The following IL1RAPL1 variants were observed in gnomAD, a reference collection of about 807,000 sequenced individuals.
IL1RAPL1 encodes the protein interleukin-1 receptor accessory protein-like 1.
A neutral mutation model predicts 48.4 loss-of-function variants in IL1RAPL1; 3 were observed. The observed-to-expected ratio is 0.06, with a 90% CI of 0.03 to 0.16. The LOEUF (loss-of-function observed/expected upper bound fraction) is 0.16. IL1RAPL1 is among the 10% of genes least tolerant of loss of function. The pLI is 1.00. For synonymous variants in IL1RAPL1, 185 were observed against 187.7 expected, an observed-to-expected ratio of 0.99 and a Z score of 0.12; for missense variants, 349 against 530.6, an observed-to-expected ratio of 0.66 and a Z score of 3.36.
At chrX:29,176,407 T>G (rs1199931764) in intron 2 of IL1RAPL1, among the ~76,000 whole-genome samples, 1 of 109,658 alleles carries the variant, frequency 9.1e-6, no homozygotes, top group Non-Finnish European at 1.9e-5. Context: ...TTCTAGGTGA[T>G]GTTGATGCTG....
chrX:29,302,505 GA>G (rs1400619749), intron 3 of IL1RAPL1, among the ~76,000 whole-genome samples: 1 of 111,893 alleles, frequency 8.9e-6, no homozygotes, highest in Admixed American at 9.5e-5. Context: ...TAGGTGGTAA[GA>G]TAGTATATGG....
chrX:29,170,981 C>A (rs377368513), intron 2 of IL1RAPL1, among the ~76,000 whole-genome samples: 6 of 110,347 alleles, frequency 5.4e-5, no homozygotes, highest in African/African-American at 2.0e-4. Context: ...AATGTTGCAC[C>A]CAGTGTTGTG....
At chrX:29,334,203 C>T (rs1256284815) in intron 3 of IL1RAPL1, among the ~76,000 whole-genome samples, 4 of 67,936 alleles carry the variant, frequency 5.9e-5, no homozygotes, top group African/African-American at 1.3e-4. Context: ...GGGGGGCTGA[C>T]CCCCCCACCT....
At chrX:29,011,090 A>G (rs776203827) in intron 2 of IL1RAPL1, among the ~76,000 whole-genome samples, 9 of 112,014 alleles carry the variant, frequency 8.0e-5, no homozygotes, top group South Asian at 3.7e-4. Context: ...TGACCTCACC[A>G]TATATCGTAT....
At chrX:29,705,900 T>C (rs1474122664) in intron 6 of IL1RAPL1, among the ~76,000 whole-genome samples, 2 of 112,481 alleles carry the variant, frequency 1.8e-5, no homozygotes, top group African/African-American at 6.5e-5. Context: ...CACTTTGTAT[T>C]AGTCCATTTT....
chrX:28,629,333 A>ATT (rs1280216647), intron 1 of IL1RAPL1, among the ~76,000 whole-genome samples: 1 of 111,798 alleles, frequency 8.9e-6, no homozygotes, highest in Non-Finnish European at 1.9e-5. Flanking sequence ...TATTCCTGCT[A>ATT]AAACTTCTAA....
intron 2 of IL1RAPL1, among the ~76,000 whole-genome samples, chrX:29,149,627 G>A (rs964333048): frequency 3.6e-5 from 4 of 111,551 alleles, no homozygotes; most frequent in African/African-American, 1.3e-4. Flanking sequence ...AATCCAAAGA[G>A]GTCAAGTAGC....
chrX:29,056,016 G>A (rs1927206383), intron 2 of IL1RAPL1, among the ~76,000 whole-genome samples: 1 of 111,794 alleles, frequency 8.9e-6, no homozygotes, highest in South Asian at 3.7e-4. Context: ...TTGTTTCAAG[G>A]AATCATTTAC....
At chrX:28,778,340 T>A (rs1266510576) in intron 1 of IL1RAPL1, among the ~76,000 whole-genome samples, 3 of 111,597 alleles carry the variant, frequency 2.7e-5, no homozygotes, top group Non-Finnish European at 3.8e-5. Flanking sequence ...CAACTATTCG[T>A]TAAATATATT....
intron 5 of IL1RAPL1, among the ~76,000 whole-genome samples, chrX:29,603,977 A>G (rs184788558): frequency 8.1e-5 from 9 of 111,716 alleles, no homozygotes; most frequent in Admixed American, 3.8e-4. Flanking sequence ...AAATTTGACA[A>G]CTCTTTGAAG....
intron 2 of IL1RAPL1, among the ~76,000 whole-genome samples, chrX:28,838,847 G>C (rs745773960): frequency 6.3e-5 from 7 of 110,959 alleles, no homozygotes; most frequent in Non-Finnish European, 1.1e-4. Flanking sequence ...CTACTTGGAA[G>C]TTTACTAGGG....
intron 6 of IL1RAPL1, among the ~76,000 whole-genome samples, chrX:29,881,566 G>T (rs938116112): frequency 9.1e-6 from 1 of 110,109 alleles, no homozygotes; most frequent in South Asian, 3.9e-4. Context: ...TTTTTGTGGT[G>T]ACATAGTAGG....
At chrX:28,898,032 A>G (rs1426238396) in intron 2 of IL1RAPL1, among the ~76,000 whole-genome samples, 1 of 111,230 alleles carries the variant, frequency 9.0e-6, no homozygotes, top group Non-Finnish European at 1.9e-5. Context: ...TTGTGGTGGA[A>G]TGTCATTAGT....
At chrX:29,005,619 G>A (rs1380464116) in intron 2 of IL1RAPL1, among the ~76,000 whole-genome samples, 2 of 111,410 alleles carry the variant, frequency 1.8e-5, no homozygotes, top group Non-Finnish European at 3.8e-5. Context: ...ATTGACTAGG[G>A]AAAAATGACC....
At chrX:29,919,830 A>G in intron 7 of IL1RAPL1, 119 bp from the exon 8 acceptor site, 2 of 714,383 alleles carry the variant, frequency 2.8e-6, no homozygotes. Context: ...TTCATAGCCA[A>G]ATTAGAAGCA....
At chrX:29,118,263 G>A (rs774122657) in intron 2 of IL1RAPL1, among the ~76,000 whole-genome samples, 1 of 112,149 alleles carries the variant, frequency 8.9e-6, no homozygotes, top group African/African-American at 3.2e-5. Context: ...TGTTAAGTGC[G>A]AAGCTCTGAT....
intron 2 of IL1RAPL1, among the ~76,000 whole-genome samples, chrX:29,091,973 T>C (rs758874954): frequency 7.1e-5 from 8 of 111,899 alleles, no homozygotes; most frequent in Non-Finnish European, 1.3e-4. Flanking sequence ...TTCCCAAAAT[T>C]CTTCCATTGT....
intron 3 of IL1RAPL1, among the ~76,000 whole-genome samples, chrX:29,285,852 C>T (rs1198229977): frequency 9.0e-6 from 1 of 111,347 alleles, no homozygotes; most frequent in Admixed American, 9.6e-5. Context: ...TTTGAAATAG[C>T]ACGGCTTGGT....
intron 2 of IL1RAPL1, among the ~76,000 whole-genome samples, chrX:28,927,483 G>A (rs992181216): frequency 9.0e-6 from 1 of 111,145 alleles, no homozygotes; most frequent in Admixed American, 9.6e-5. Context: ...CTTGCTACAT[G>A]CAAACACACA....
Sources: gnomAD v4.1 joint callset for allele counts (sites outside exome capture counted in the v4.1 genomes callset) on GRCh38, gnomAD v4.1.1 for gene constraint, MANE v1.5 for transcripts, NCBI Gene and HGNC (gene_info 2026-07-23, HGNC 2026-07-21) for gene names.